Variants in NID2 observed in about 807,000 individuals in gnomAD.
NID2 encodes the protein nidogen 2, also known as nidogen-2.
NID2 carries 83 observed loss-of-function variants against 145.4 expected under a neutral mutation model. The ratio of observed to expected loss-of-function variants is 0.57; its 90% CI spans 0.48 to 0.69. NID2 has a LOEUF of 0.69. Ranked by LOEUF, NID2 falls within the 30% of genes least tolerant of loss-of-function variation. The pLI is 0.00. For missense variants in NID2, 1,807 were observed against 1,765.7 expected (o/e 1.02, Z -0.42); for synonymous variants, 739 against 701.3 (o/e 1.05, Z -0.85).
At chr14:52,032,271 T>C (rs995158587) in intron 9 of NID2, among the ~76,000 whole-genome samples, 11 of 152,258 alleles carry the variant, frequency 7.2e-5, no homozygotes, top group African/African-American at 2.7e-4. Flanking sequence ...TTATCCTCAG[T>C]TCACCACAAT....
Position 52,011,542 on chromosome 14 carries a change from G to A in NID2, c.3550+12C>T. 6.2e-7 allele frequency: 1 copy of A among 1,613,990 alleles called. No individual in the cohort carries two copies. On this transcript the variant is annotated intron_variant, in intron 17 of 21. Coordinates refer to ENST00000216286, the MANE Select transcript of NID2 (RefSeq NM_007361.4). ...TCAAATGAAATGCAGACTGCTGAGT[G>A]AAGCTGCTGACCTGAATTCACGATC... is the stretch of plus-strand genomic sequence containing the variant.
chr14:52,029,176 G>A (rs771939047), intron 10 of NID2, among the ~76,000 whole-genome samples: 2 of 152,036 alleles, frequency 1.3e-5, no homozygotes, highest in Non-Finnish European at 2.9e-5. Flanking sequence ...GTTGCCTTTT[G>A]GGGATATAAG....
At chr14:52,062,276 TTTCA>T (rs1893041171) in intron 2 of NID2, among the ~76,000 whole-genome samples, 1 of 152,274 alleles carries the variant, frequency 6.6e-6, no homozygotes, top group Non-Finnish European at 1.5e-5. Context: ...GCTTTGCTTT[TTTCA>T]TTCATTCAAT....
chr14:52,007,106 CAT>C (rs1175040542), intron 19 of NID2: 1 of 154,912 alleles, frequency 6.5e-6, no homozygotes, highest in African/African-American at 2.4e-5. Context: ...TAACATAACT[CAT>C]ATTTCAATGT....
At chr14:52,022,667 T>C (rs367714926) in intron 12 of NID2, among the ~76,000 whole-genome samples, 5 of 152,350 alleles carry the variant, frequency 3.3e-5, no homozygotes, top group South Asian at 2.1e-4. Flanking sequence ...AGTGCAATCC[T>C]ACACTCTATT....
intron 9 of NID2, among the ~76,000 whole-genome samples, chr14:52,030,536 G>GAA (rs772308578): frequency 1.8e-4 from 8 of 44,462 alleles, no homozygotes; most frequent in Non-Finnish European, 3.8e-4. Flanking sequence ...AAGAAAGAAA[G>GAA]AAAGAAAGAA....
intron 9 of NID2, among the ~76,000 whole-genome samples, chr14:52,030,597 A>AGG (rs1566755824): frequency 2.7e-4 from 27 of 99,466 alleles, no homozygotes; most frequent in Admixed American, 2.1e-3. Context: ...AAAGAAAGAA[A>AGG]GAAAGAAAGA....
Position 52,012,271 on chromosome 14 carries a change from C to G in NID2, c.3421-588G>C, listed in dbSNP as rs1223890049. Among the ~76,000 whole-genome samples the G allele has an allele frequency of 2.6e-5, 4 of 152,216 alleles. No individual in the cohort carries two copies. In the East Asian group the frequency reaches 7.7e-4, roughly 29 times the overall value. On this transcript the variant is annotated intron_variant, in intron 16 of 21. Transcript: ENST00000216286. ...AGTACAATCACCTATACTCCTGCCC[C>G]TGACTCTTAGGAGGCAAGATGTTGG...
intron 16 of NID2, 186 bp downstream of exon 16, chr14:52,014,101 G>A: frequency 1.4e-6 from 1 of 706,874 alleles, no homozygotes; most frequent in South Asian, 1.6e-5. Flanking sequence ...TCAGTGACAG[G>A]TGACTCCCAG....
intron 9 of NID2, among the ~76,000 whole-genome samples, chr14:52,032,166 A>G (rs1250982419): frequency 6.6e-6 from 1 of 152,060 alleles, no homozygotes; most frequent in Non-Finnish European, 1.5e-5. Context: ...TTTCCATCCC[A>G]CTTTATAAGA....
In NID2 at chr14:52,010,967, C is replaced by T; in HGVS notation, c.3631G>A (p.Glu1211Lys). 1 of 1,614,176 alleles carries T rather than the reference C, an allele frequency of 6.2e-7. No homozygotes were observed. Among genetic ancestry groups the T allele is most frequent in the South Asian group, 1.1e-5 (1 of 91,088 alleles). Residue 1211 changes from glutamate (E) to lysine (K), a missense_variant, in exon 18 of 22, where the codon GAG becomes AAG. Glu to Lys is a moderately conservative substitution (Grantham distance 56, BLOSUM62 1). Coordinates refer to ENST00000216286, the MANE Select transcript of NID2 (RefSeq NM_007361.4). The part of the protein sequence containing the change: ...YWTDSVLDKI[E>K]SALLDGSERK... ...TCAGAGCCATCCAGCAGGGCGCTCT[C>T]TATCTTATCCAGGACACTGTCCGTC...
intron 3 of NID2, 95 bp downstream of exon 3, chr14:52,060,029 A>G: frequency 1.2e-6 from 1 of 829,734 alleles, no homozygotes; most frequent in Non-Finnish European, 1.8e-6. Flanking sequence ...AGCCACCAAT[A>G]TATTATGTAA....
intron 10 of NID2, 28 bp from the exon 11 acceptor site, chr14:52,028,878 C>G (rs1409807447): frequency 1.9e-6 from 3 of 1,611,748 alleles, no homozygotes; most frequent in Non-Finnish European, 2.5e-6. Flanking sequence ...GAGAAAAATT[C>G]TGCTTAATTC....
chr14:52,047,504 G>C (rs565401500), intron 5 of NID2, among the ~76,000 whole-genome samples: 1 of 152,302 alleles, frequency 6.6e-6, no homozygotes, highest in South Asian at 2.1e-4. Context: ...ATCTGAGTGA[G>C]ATGGGAAGCA....
At chr14:52,041,971 A>T (rs1054248020) in intron 7 of NID2, 134 bp downstream of exon 7, 8 of 1,132,190 alleles carry the variant, frequency 7.1e-6, no homozygotes, top group Admixed American at 5.8e-5. Context: ...TGGCCAGAAA[A>T]CTACACACAT....
chr14:52,011,816 G>T, intron 16 of NID2, 133 bp from the exon 17 acceptor site: 6 of 1,098,292 alleles, frequency 5.5e-6, no homozygotes, highest in Non-Finnish European at 7.9e-6. Context: ...GAGCAGAGTA[G>T]CTGGACATGT....
At chr14:52,019,485 G>A (rs1891327225) in intron 13 of NID2, among the ~76,000 whole-genome samples, 191 bp from the exon 14 acceptor site, 1 of 152,138 alleles carries the variant, frequency 6.6e-6, no homozygotes, top group Non-Finnish European at 1.5e-5. Context: ...TAGGTCCCTA[G>A]CTGGCTCTAA....
chr14:52,038,586 CCT>C lies in NID2; in HGVS notation c.2257+159_2257+160del, dbSNP rs200598071. On this transcript the variant is annotated intron_variant, in intron 9 of 21. Coordinates refer to ENST00000216286, the MANE Select transcript of NID2 (RefSeq NM_007361.4). The stretch of plus-strand genomic sequence containing the variant: ...TTCCCTGCCCTAAAACTCTTTTCTG[CCT>C]CTGTTTCCAACTCAAGGGCAAGGAT... Among the ~76,000 whole-genome samples the C allele has an allele frequency of 1.8e-3, 279 of 152,296 alleles. 7 individuals are homozygous for C. The highest frequency in any genetic ancestry group is 0.014 in the Admixed American group (219 of 15,292).
rs764750781 is a variant in NID2, at chr14:52,010,964, T to C, written c.3634A>G (p.Ser1212Gly). 1.5e-5 allele frequency: 24 copies of C among 1,614,116 alleles called. No individual in the cohort carries two copies. In the East Asian group the frequency reaches 4.9e-4, roughly 33 times the overall value. ...CGCTCAGAGCCATCCAGCAGGGCGC[T>C]CTCTATCTTATCCAGGACACTGTCC... ...WTDSVLDKIE[S>G]ALLDGSERKV... is the part of the protein sequence containing the mutation. The change falls in exon 18 of 22, where the codon AGC (serine) becomes GGC (glycine). Residue 1212 changes from serine (S) to glycine (G), a missense_variant. Physicochemically the swap from Ser to Gly is moderately conservative, Grantham distance 56. Coordinates refer to ENST00000216286, the MANE Select transcript of NID2 (RefSeq NM_007361.4).
Sources: gnomAD v4.1 joint callset for allele counts (sites outside exome capture counted in the v4.1 genomes callset) on GRCh38, gnomAD v4.1.1 for gene constraint, MANE v1.5 for transcripts, NCBI Gene and HGNC (gene_info 2026-07-23, HGNC 2026-07-21) for gene names.